The following HIVEP1 variants were observed in gnomAD, a reference collection of about 807,000 sequenced individuals.
HIVEP1 encodes HIVEP zinc finger 1, also known as zinc finger protein 40.
In HIVEP1, 36 loss-of-function variants were observed where a neutral mutation model predicts 180.0. That is an observed-to-expected ratio of 0.20 (90% CI 0.15 to 0.26). HIVEP1 has a LOEUF of 0.26. Among genes scored for constraint, HIVEP1 ranks in the 10% least tolerant of loss-of-function variants. The probability of loss-of-function intolerance (pLI) is 1.00; values close to 1 mark genes in which losing one functional copy is unlikely to be tolerated. For synonymous variants in HIVEP1, 1,239 were observed against 1,239.0 expected (o/e 1.00, Z 0.00); for missense variants, 3,143 against 3,268.7 (o/e 0.96, Z 0.94).
chr6:12,155,703 G>C (rs1759999624), intron 7 of HIVEP1, among the ~76,000 whole-genome samples: 1 of 151,656 alleles, frequency 6.6e-6, no homozygotes, highest in Admixed American at 6.6e-5. Flanking sequence ...TATTACGAAT[G>C]AACATATGCA....
chr6:12,121,204 C>T lies in HIVEP1; in HGVS notation c.1409C>T (p.Ala470Val). ...CTGGGTCTTGTCTTGCAACCAGATG[C>T]TGGTGGCTTGTTCTTGTCCCACGAG... ...IKLGLVLQPD[A>V]GGLFLSHESP... Residue 470 changes from alanine to valine, a missense_variant, in exon 4 of 9, where the codon GCT becomes GTT. Physicochemically the swap from Ala to Val is moderately conservative, Grantham distance 64. Transcript: ENST00000379388. The surrounding 1 kb of genome is among the most constrained non-coding windows in gnomAD (Gnocchi z 5.3). The T allele has an allele frequency of 1.2e-6, 2 of 1,614,132 alleles. No individual in the cohort carries two copies. The highest frequency in any genetic ancestry group is 1.7e-6 in the Non-Finnish European group (2 of 1,180,018).
At chr6:12,021,238 C>G (rs16872191) in intron 2 of HIVEP1, among the ~76,000 whole-genome samples, 6,891 of 152,230 alleles carry the variant, frequency 0.045, 504 homozygotes, top group African/African-American at 0.16. Flanking sequence ...CAGATCATGG[C>G]CTTGATTGAC....
chr6:12,082,074 C>CT lies in HIVEP1; in HGVS notation c.41-7102dup, dbSNP rs149567189. The stretch of plus-strand genomic sequence containing the variant: ...TTTTTTAACCATTCCTTTTTTACCT[C>CT]TTTTTTTTGTGTGTTTCTTTTCCTC... On this transcript the variant is annotated intron_variant, in intron 2 of 8. Transcript: ENST00000379388. Among the ~76,000 whole-genome samples, 17 of 152,058 alleles carry CT rather than the reference C, an allele frequency of 1.1e-4. No homozygotes were observed. In the East Asian group the frequency reaches 1.4e-3, roughly 12 times the overall value.
intron 3 of HIVEP1, among the ~76,000 whole-genome samples, chr6:12,108,499 A>G (rs1283341561): frequency 1.3e-5 from 2 of 152,344 alleles, no homozygotes; most frequent in South Asian, 4.1e-4. Flanking sequence ...TGGGAGGCTC[A>G]GGCATGGCGG....
chr6:12,163,339 A>G lies in HIVEP1; in HGVS notation c.7035A>G (p.Ala2345=). ...CAGCTGAGCACAGCCCCCAGACAGC[A>G]GCGGGGATGCCTTCTGTGGCCTCAC... ...PAAAEHSPQT[A]AGMPSVASPH... The change falls in exon 9 of 9, where the codon GCA becomes GCG. Residue 2345 remains alanine (A), a synonymous_variant. Coordinates refer to ENST00000379388, the MANE Select transcript of HIVEP1 (RefSeq NM_002114.4). 6.2e-7 allele frequency: 1 copy of G among 1,614,228 alleles called. No homozygotes were observed. The highest frequency in any genetic ancestry group is 8.5e-7 in the Non-Finnish European group (1 of 1,180,040).
At chr6:12,102,823 T>C (rs1452040053) in intron 3 of HIVEP1, among the ~76,000 whole-genome samples, 4 of 152,318 alleles carry the variant, frequency 2.6e-5, no homozygotes, top group African/African-American at 9.6e-5. Context: ...GCTGAAACTT[T>C]TAGTACAGAA....
chr6:12,113,084 G>A (rs141676515), intron 3 of HIVEP1, among the ~76,000 whole-genome samples: 1 of 151,984 alleles, frequency 6.6e-6, no homozygotes, highest in Non-Finnish European at 1.5e-5. Flanking sequence ...GCCTCGTCCT[G>A]CCCCTCATGT....
At chr6:12,105,474 T>G (rs1182842133) in intron 3 of HIVEP1, among the ~76,000 whole-genome samples, 1 of 152,216 alleles carries the variant, frequency 6.6e-6, no homozygotes, top group Non-Finnish European at 1.5e-5. Context: ...TCAGTAACTT[T>G]TCACTATCTT....
At chr6:12,037,184 C>T (rs1299797197) in intron 2 of HIVEP1, among the ~76,000 whole-genome samples, 3 of 152,026 alleles carry the variant, frequency 2.0e-5, no homozygotes, top group Admixed American at 6.6e-5. Flanking sequence ...GGGTGTATAT[C>T]GTATTTTGGT....
chr6:12,078,707 AACAC>A (rs1168274891), intron 2 of HIVEP1, among the ~76,000 whole-genome samples: 2 of 114,110 alleles, frequency 1.8e-5, no homozygotes, highest in East Asian at 1.9e-4. Context: ...CATATATATA[AACAC>A]ACACACACAT....
In HIVEP1 at chr6:12,135,827, G is replaced by A. The variant is rs746976522; in HGVS notation, c.6422G>A (p.Ser2141Asn). ...LTKHMKSKAH[S>N]KKCVDLGVSV... is the part of the protein sequence containing the mutation. Reference sequence around the variant, plus strand: ...AAACACATGAAGTCCAAGGCACATAGCAAGAAATGTGTGGATTTAGGCGTC... The same window carrying A: ...AAACACATGAAGTCCAAGGCACATAACAAGAAATGTGTGGATTTAGGCGTC... The change falls in exon 7 of 9, where the codon AGC becomes AAC. Residue 2141 changes from serine (S) to asparagine (N), a missense_variant. Ser to Asn is a conservative substitution (Grantham distance 46, BLOSUM62 1). Coordinates refer to ENST00000379388, the MANE Select transcript of HIVEP1 (RefSeq NM_002114.4). The A allele has an allele frequency of 1.2e-6, 2 of 1,612,466 alleles. No homozygotes were observed. Among genetic ancestry groups the A allele is most frequent in the African/African-American group, 1.3e-5 (1 of 74,876 alleles).
At chr6:12,052,933 C>G (rs2113724141) in intron 2 of HIVEP1, among the ~76,000 whole-genome samples, 1 of 152,262 alleles carries the variant, frequency 6.6e-6, no homozygotes, top group East Asian at 1.9e-4. Context: ...AGACTTGTAG[C>G]AAATGCTCAG....
chr6:12,061,682 TATG>T (rs1179995465), intron 2 of HIVEP1, among the ~76,000 whole-genome samples: 1 of 152,184 alleles, frequency 6.6e-6, no homozygotes, highest in Admixed American at 6.5e-5. Flanking sequence ...AAGTTTATAG[TATG>T]ATCATTTTAT....
intron 2 of HIVEP1, among the ~76,000 whole-genome samples, chr6:12,040,151 A>T (rs1415150171): frequency 2.0e-5 from 3 of 152,136 alleles, no homozygotes; most frequent in African/African-American, 7.2e-5. Flanking sequence ...CATTTTGGAG[A>T]GGAAGGGATC....
At chr6:12,119,862 T>C in intron 3 of HIVEP1, 28 bp from the exon 4 acceptor site, 1 of 1,420,578 alleles carries the variant, frequency 7.0e-7, no homozygotes, top group Admixed American at 2.3e-5. Context: ...TGTTACCAAT[T>C]GTTTGTTGTT....
chr6:12,109,581 A>G (rs1774751260), intron 3 of HIVEP1, among the ~76,000 whole-genome samples: 1 of 152,196 alleles, frequency 6.6e-6, no homozygotes, highest in South Asian at 2.1e-4. Context: ...TATCCATTCA[A>G]GCCTTATCGT....
chr6:12,069,295 T>TA (rs1429300942), intron 2 of HIVEP1, among the ~76,000 whole-genome samples: 1 of 152,100 alleles, frequency 6.6e-6, no homozygotes, highest in Non-Finnish European at 1.5e-5. Flanking sequence ...GTATAAAAGA[T>TA]AAAAAATTCA....
At chr6:12,053,989 TAGTATC>T (rs141399306) in intron 2 of HIVEP1, among the ~76,000 whole-genome samples, 1,683 of 152,356 alleles carry the variant, frequency 0.011, 33 homozygotes, top group African/African-American at 0.038. Context: ...TACAACTTGT[TAGTATC>T]AGAAACGTAG....
At chr6:12,199,360 C>CT in the HIVEP1 span, among the ~76,000 whole-genome samples, 2,191 of 109,394 alleles carry the variant, frequency 0.02, 103 homozygotes, top group African/African-American at 0.071. Context: ...ACTGTCAATC[C>CT]TTTTTTTTTT....
Sources: gnomAD v4.1 joint callset for allele counts (sites outside exome capture counted in the v4.1 genomes callset) on GRCh38, gnomAD v4.1.1 for gene constraint, Gnocchi (gnomAD v3.1) non-coding constraint, MANE v1.5 for transcripts, NCBI Gene and HGNC (gene_info 2026-07-23, HGNC 2026-07-21) for gene names.